CLCN3: variants seen among roughly 807,000 people sequenced by gnomAD.
CLCN3 encodes Cl-/H+ antiporter 3, also known as H(+)/Cl(-) exchange transporter 3.
Under a neutral mutation model 83.4 loss-of-function variants are expected in CLCN3, and 16 were observed. That is an observed-to-expected ratio of 0.19 (90% CI 0.13 to 0.29). The LOEUF is 0.29. CLCN3 is among the 10% of genes least tolerant of loss of function. The pLI is 1.00. For synonymous variants in CLCN3, 322 were observed against 346.2 expected (o/e 0.93, Z 0.78); for missense variants, 544 against 1,006.0 (o/e 0.54, Z 6.21).
At chr4:169,690,493 A>G in intron 5 of CLCN3, 37 bp from the exon 6 acceptor site, 8 of 1,594,160 alleles carry the variant, frequency 5.0e-6, no homozygotes, top group Non-Finnish European at 6.8e-6. Context: ...GGTGCAATGT[A>G]AATTAAATTC....
chr4:169,620,651 C>T lies in CLCN3; in HGVS notation c.-429C>T, dbSNP rs960200337. The T allele has an allele frequency of 2.5e-6, 1 of 397,956 alleles. No homozygotes were observed. Among genetic ancestry groups the T allele is most frequent in the African/African-American group, 2.1e-5 (1 of 48,750 alleles). The allele number at this position is 397,956 out of a possible 1,614,324, so 24.7% of individuals were successfully genotyped here. On this transcript the variant is annotated 5_prime_UTR_variant, in exon 1 of 13. Transcript: ENST00000513761. ...CCCTTTCCCAGTGTTCTAGTTCGCC[C>T]GTGACCCGGAATAATGAGCAAGGAG...
chr4:169,638,167 A>T (rs534569906), intron 2 of CLCN3, among the ~76,000 whole-genome samples: 2 of 152,102 alleles, frequency 1.3e-5, no homozygotes, highest in South Asian at 4.1e-4. Context: ...ATGTTCTCTT[A>T]CTTTTTGTTC....
At chr4:169,633,619 G>C (rs1773435477) in intron 1 of CLCN3, among the ~76,000 whole-genome samples, 1 of 152,156 alleles carries the variant, frequency 6.6e-6, no homozygotes, top group Non-Finnish European at 1.5e-5. Flanking sequence ...TTCAATAAAA[G>C]TGTTAGTGCT....
At chr4:169,625,478 C>G (rs1357231161) in intron 1 of CLCN3, among the ~76,000 whole-genome samples, 3 of 152,132 alleles carry the variant, frequency 2.0e-5, no homozygotes, top group Non-Finnish European at 4.4e-5. Context: ...GCTCCCCTCC[C>G]CAAATTCTGG....
intron 2 of CLCN3, among the ~76,000 whole-genome samples, chr4:169,670,575 T>G (rs1731419838): frequency 6.6e-6 from 1 of 152,208 alleles, no homozygotes; most frequent in Non-Finnish European, 1.5e-5. Flanking sequence ...TTATTTTTGC[T>G]TAGGATTGTC....
At chr4:169,656,779 G>T (rs1475776599) in intron 2 of CLCN3, among the ~76,000 whole-genome samples, 6 of 152,056 alleles carry the variant, frequency 3.9e-5, no homozygotes, top group African/African-American at 1.4e-4. Flanking sequence ...TACAAAAAAA[G>T]AAATTAAAAA....
chr4:169,624,073 T>C (rs1175421379), intron 1 of CLCN3, among the ~76,000 whole-genome samples: 1 of 152,190 alleles, frequency 6.6e-6, no homozygotes, highest in Non-Finnish European at 1.5e-5. Context: ...GAGAACTTGA[T>C]TTAAACTGAA....
intron 1 of CLCN3, among the ~76,000 whole-genome samples, chr4:169,632,655 T>G (rs1310224565): frequency 1.5e-5 from 2 of 137,364 alleles, no homozygotes; most frequent in African/African-American, 2.6e-5. Flanking sequence ...AGGCGGAGTT[T>G]GCAGTGAGCA....
intron 2 of CLCN3, among the ~76,000 whole-genome samples, chr4:169,664,948 G>C (rs1384351858): frequency 1.3e-5 from 2 of 152,026 alleles, no homozygotes; most frequent in African/African-American, 2.4e-5. Context: ...TTAAGGTTTT[G>C]TTTCTTGTTT....
At position 169,697,338 on chromosome 4, in the gene CLCN3, ACT is replaced by A. The variant is rs753268881; in HGVS notation, c.1168_1169del (p.Leu390ValfsTer19). 6.2e-7 allele frequency: 1 copy of A among 1,613,894 alleles called. No individual in the cohort carries two copies. The highest frequency in any genetic ancestry group is 8.5e-7 in the Non-Finnish European group (1 of 1,179,980). ...EYHTPWYLFELFPFILLGVFG... is the reference protein window; with the variant it reads ...EYHTPWYLFEXFPFILLGVFG... ...ATCATACACCATGGTACCTTTTTGA[ACT>A]GTTTCCTTTTATTCTTCTAGGGGTA... On this transcript the variant is annotated frameshift_variant, in exon 9 of 13. Coordinates refer to ENST00000513761, the MANE Select transcript of CLCN3 (RefSeq NM_001829.4). LOFTEE classifies it high-confidence loss of function.
chr4:169,632,297 A>T (rs931777950), intron 1 of CLCN3, among the ~76,000 whole-genome samples: 1 of 152,156 alleles, frequency 6.6e-6, no homozygotes, highest in Non-Finnish European at 1.5e-5. Flanking sequence ...AGAGTACTTC[A>T]GGAAGTACAT....
intron 11 of CLCN3, among the ~76,000 whole-genome samples, chr4:169,712,424 C>T (rs906039922): frequency 1.3e-5 from 2 of 151,864 alleles, no homozygotes; most frequent in African/African-American, 4.8e-5. Flanking sequence ...GACAGAAGAA[C>T]TTGAAGCAGA....
At position 169,697,689 on chromosome 4, in the gene CLCN3, A is replaced by G. The variant is rs2150256285; in HGVS notation, c.1518A>G (p.Ala506=). 1 of 1,613,060 alleles carries G rather than the reference A, an allele frequency of 6.2e-7. No homozygotes were observed. Among genetic ancestry groups the G allele is most frequent in the South Asian group, 1.1e-5 (1 of 91,034 alleles). ...CAGCTATATGGCAGTTATGCCTGGCACTCATATTTAAAATCATAATGACAG... is the reference window on the plus strand; with the variant it reads ...CAGCTATATGGCAGTTATGCCTGGCGCTCATATTTAAAATCATAATGACAG... The part of the protein sequence containing the change: ...VYSAIWQLCL[A]LIFKIIMTVF... Residue 506 remains alanine (A), a synonymous_variant, in exon 9 of 13, where the codon GCA becomes GCG. Transcript: ENST00000513761.
chr4:169,648,767 C>T (rs1730647209), intron 2 of CLCN3, among the ~76,000 whole-genome samples: 1 of 152,174 alleles, frequency 6.6e-6, no homozygotes, highest in Admixed American at 6.5e-5. Context: ...TGGCTTATGC[C>T]TATAATCCCA....
chr4:169,703,452 A>C lies in CLCN3; in HGVS notation c.1564-546A>C, dbSNP rs116375036. ...ATATATAGGAGGACATAATCACATAATCTTGAAGTAAAAGACAGTGCTTAA... is the reference window on the plus strand; with the variant it reads ...ATATATAGGAGGACATAATCACATACTCTTGAAGTAAAAGACAGTGCTTAA... On this transcript the variant is annotated intron_variant, in intron 9 of 12. Transcript: ENST00000513761. Among the ~76,000 whole-genome samples the C allele has an allele frequency of 6.0e-3, 911 of 152,336 alleles. 11 individuals carry two copies. The highest frequency in any genetic ancestry group is 0.02 in the African/African-American group (849 of 41,580).
intron 2 of CLCN3, among the ~76,000 whole-genome samples, chr4:169,640,996 T>G (rs756179558): frequency 1.2e-4 from 19 of 152,186 alleles, no homozygotes; most frequent in Non-Finnish European, 2.8e-4. Context: ...TCTCCCAGGT[T>G]TCTGATTATG....
chr4:169,676,667 T>TC (rs1159207388), intron 2 of CLCN3, among the ~76,000 whole-genome samples: 1 of 150,504 alleles, frequency 6.6e-6, no homozygotes, highest in Non-Finnish European at 1.5e-5. Context: ...TTTTTTTTTT[T>TC]TTGTATTTTT....
At chr4:169,707,626 A>G (rs1249855530) in intron 11 of CLCN3, among the ~76,000 whole-genome samples, 1 of 152,196 alleles carries the variant, frequency 6.6e-6, no homozygotes, top group African/African-American at 2.4e-5. Flanking sequence ...TATTTAATAA[A>G]GTTGGCTTAT....
At chr4:169,677,237 A>G (rs1386977681) in intron 2 of CLCN3, among the ~76,000 whole-genome samples, 1 of 152,054 alleles carries the variant, frequency 6.6e-6, no homozygotes, top group East Asian at 1.9e-4. Context: ...ATTTATGTAA[A>G]AAATTCTTAA....
Sources: allele counts gnomAD v4.1 joint callset (sites outside exome capture counted in the v4.1 genomes callset), GRCh38; gene constraint gnomAD v4.1.1; transcripts MANE v1.5; gene names NCBI Gene and HGNC (gene_info 2026-07-23, HGNC 2026-07-21).